Variants in RAB9B observed in about 807,000 individuals in gnomAD.
RAB9B encodes the protein RAB9B, member RAS oncogene family.
RAB9B carries 1 observed loss-of-function variant against 8.9 expected under a neutral mutation model. The observed-to-expected ratio is 0.11, with a 90% confidence interval of 0.04 to 0.53. RAB9B has a LOEUF of 0.53. Among genes scored for constraint, RAB9B ranks in the 20% least tolerant of loss-of-function variants. The probability of loss-of-function intolerance (pLI) is 0.93; values close to 1 mark genes in which losing one functional copy is unlikely to be tolerated. For missense variants in RAB9B, 82 were observed against 152.9 expected, an observed-to-expected ratio of 0.54 and a Z score of 2.45; for synonymous variants, 63 against 57.0, an observed-to-expected ratio of 1.10 and a Z score of -0.47.
At chrX:103,802,111 T>G in the RAB9B span, among the ~76,000 whole-genome samples, 3 of 109,723 alleles carry the variant, frequency 2.7e-5, no homozygotes, top group Admixed American at 9.8e-5. Flanking sequence ...CCAGCATGTT[T>G]AAGGACAATA....
In RAB9B at chrX:103,825,625, G is replaced by A. The variant is rs746386881; in HGVS notation, c.160C>T (p.Arg54Cys). The A allele has an allele frequency of 1.1e-5, 13 of 1,210,127 alleles. No homozygotes were observed. The Admixed American group carries it at 1.7e-4, about 16-fold the overall frequency. ...TCCCAGATCTGGAGGGTTACAAAGCGTCCATCTACCTCCAGATCTCGATTT... is the reference window on the plus strand; with the variant it reads ...TCCCAGATCTGGAGGGTTACAAAGCATCCATCTACCTCCAGATCTCGATTT... The part of the protein sequence containing the change: ...FLNRDLEVDG[R>C]FVTLQIWDTA... Residue 54 changes from arginine to cysteine, a missense_variant, in exon 3 of 3, where the codon CGC (arginine) becomes TGC (cysteine). Transcript: ENST00000243298.
chrX:103,804,743 G>A, the RAB9B span, among the ~76,000 whole-genome samples: 1 of 111,065 alleles, frequency 9.0e-6, no homozygotes, highest in Non-Finnish European at 1.9e-5. Flanking sequence ...GCACTTTTTT[G>A]TCAATTTTTT....
At chrX:103,831,962 A>G (rs2074705914) in intron 1 of RAB9B, 98 bp downstream of exon 1, 1 of 111,017 alleles carries the variant, frequency 9.0e-6, no homozygotes, top group African/African-American at 3.3e-5. Flanking sequence ...GATCAACTAG[A>G]CTTTCCTTTC....
chrX:103,814,664 A>C, the RAB9B span, among the ~76,000 whole-genome samples: 1 of 111,600 alleles, frequency 9.0e-6, no homozygotes, highest in Non-Finnish European at 1.9e-5. Flanking sequence ...TTTTTTGAAA[A>C]GACCAACAAA....
At chrX:103,812,387 T>C in the RAB9B span, among the ~76,000 whole-genome samples, 2 of 111,910 alleles carry the variant, frequency 1.8e-5, no homozygotes, top group African/African-American at 6.5e-5. Flanking sequence ...GCTATTTTTC[T>C]TATTTTATCT....
At chrX:103,776,328 T>C in the RAB9B span, among the ~76,000 whole-genome samples, 2 of 107,184 alleles carry the variant, frequency 1.9e-5, no homozygotes, top group Admixed American at 2.0e-4. Context: ...TTCTCTATTG[T>C]GTTCGTAGAG....
Position 103,825,158 on chromosome X carries a change from T to C in RAB9B, c.*21A>G, listed in dbSNP as rs779844580. The C allele has an allele frequency of 1.7e-6, 2 of 1,190,275 alleles. No individual in the cohort carries two copies. The highest frequency in any genetic ancestry group is 4.5e-5 in the Admixed American group (2 of 44,031). On this transcript the variant is annotated 3_prime_UTR_variant, in exon 3 of 3. Transcript: ENST00000243298. ...TACTGACTGATCAATTTGGGGCACATTTTTAAAAGGCTCCCTATCTTTAAC... is the reference window on the plus strand; with the variant it reads ...TACTGACTGATCAATTTGGGGCACACTTTTAAAAGGCTCCCTATCTTTAAC...
chrX:103,818,998 C>G (rs1352775822), downstream of RAB9B, among the ~76,000 whole-genome samples: 2 of 111,083 alleles, frequency 1.8e-5, no homozygotes, highest in South Asian at 3.8e-4. Flanking sequence ...GGCACTTGTT[C>G]ATCTATTAAC....
chrX:103,786,071 T>C, the RAB9B span: 4 of 1,052,013 alleles, frequency 3.8e-6, no homozygotes, highest in Admixed American at 6.8e-5. Context: ...GTAGTAGGTA[T>C]GGAGAAGCCA....
chrX:103,820,546 C>T (rs1276216881), downstream of RAB9B, among the ~76,000 whole-genome samples: 1 of 111,723 alleles, frequency 9.0e-6, no homozygotes, highest in Non-Finnish European at 1.9e-5. Context: ...AAACCATTTC[C>T]AAAAAATGAG....
In RAB9B at chrX:103,825,013, A is replaced by AT. The variant is rs1602401628; in HGVS notation, c.*165dup. On this transcript the variant is annotated 3_prime_UTR_variant, in exon 3 of 3. Transcript: ENST00000243298. ...AGAGCTTCATTTTTTTTAATTTTTA[A>AT]TTTTTTTAAATCAATCTACACTTCA... 14 of 542,995 alleles carry AT rather than the reference A, an allele frequency of 2.6e-5. No individual in the cohort carries two copies. The highest frequency in any genetic ancestry group is 3.6e-5 in the Non-Finnish European group (13 of 360,079). The allele number at this position is 542,995 out of a possible 1,213,427, so 44.7% of individuals were successfully genotyped here.
rs1269562425 is a variant in RAB9B, at chrX:103,823,655, T to G, written c.*1524A>C. 1 of 112,275 alleles carries G rather than the reference T, an allele frequency of 8.9e-6. No homozygotes were observed. The highest frequency in any genetic ancestry group is 1.9e-5 in the Non-Finnish European group (1 of 53,290). 9.3% of individuals were successfully genotyped at this position (112,275 alleles called of 1,213,427 possible). ...ACAGATCAACCAACAAGAACCACAC[T>G]GCATATTCATAATATAGTATATAAC... On this transcript the variant is annotated 3_prime_UTR_variant, in exon 3 of 3. Coordinates refer to ENST00000243298, the MANE Select transcript of RAB9B (RefSeq NM_016370.4).
chrX:103,793,738 G>A, the RAB9B span, among the ~76,000 whole-genome samples: 4 of 111,305 alleles, frequency 3.6e-5, no homozygotes, highest in Non-Finnish European at 7.5e-5. Context: ...CAGAAGCTGA[G>A]AGCATCTCCA....
chrX:103,801,587 A>T, the RAB9B span, among the ~76,000 whole-genome samples: 4 of 112,059 alleles, frequency 3.6e-5, 1 homozygote, highest in Admixed American at 3.8e-4. Flanking sequence ...TACTTTGCAG[A>T]TATTAACTCA....
the RAB9B span, among the ~76,000 whole-genome samples, chrX:103,812,270 A>G: frequency 2.7e-5 from 3 of 111,892 alleles, no homozygotes; most frequent in African/African-American, 9.8e-5. Flanking sequence ...CACATGGAAG[A>G]TTAAGTTTTT....
chrX:103,802,927 T>C, the RAB9B span, among the ~76,000 whole-genome samples: 1 of 111,947 alleles, frequency 8.9e-6, no homozygotes, highest in Non-Finnish European at 1.9e-5. Context: ...ATATACTATG[T>C]GGTCTTTTGT....
the RAB9B span, chrX:103,788,643 T>C: frequency 1.2e-5 from 7 of 597,932 alleles, no homozygotes; most frequent in Non-Finnish European, 2.0e-5. Flanking sequence ...TTCTACAACA[T>C]GTTGGCTAAG....
the RAB9B span, among the ~76,000 whole-genome samples, chrX:103,806,697 C>A: frequency 9.0e-6 from 1 of 111,686 alleles, no homozygotes; most frequent in Non-Finnish European, 1.9e-5. Context: ...ATATTGAAGT[C>A]TTTAACTATT....
At chrX:103,777,245 A>G in the RAB9B span, among the ~76,000 whole-genome samples, 3 of 111,604 alleles carry the variant, frequency 2.7e-5, no homozygotes, top group Admixed American at 1.9e-4. Context: ...GAGAGTGCCC[A>G]GCTGGATGGA....
Sources: gnomAD v4.1 joint callset for allele counts (sites outside exome capture counted in the v4.1 genomes callset) on GRCh38, gnomAD v4.1.1 for gene constraint, MANE v1.5 for transcripts, NCBI Gene and HGNC (gene_info 2026-07-23, HGNC 2026-07-21) for gene names.